Variants in LRBA observed in about 807,000 individuals in gnomAD.
LRBA encodes the protein lipopolysaccharide-responsive and beige-like anchor protein.
Under a neutral mutation model 330.0 loss-of-function variants are expected in LRBA, and 176 were observed. The ratio of observed to expected loss-of-function variants is 0.53; its 90% CI spans 0.47 to 0.60. LRBA has a LOEUF of 0.60. Ranked by LOEUF, LRBA falls within the 20% of genes least tolerant of loss-of-function variation. The probability of loss-of-function intolerance (pLI) is 0.00; values close to 1 mark genes in which losing one functional copy is unlikely to be tolerated. For missense variants in LRBA, 3,259 were observed against 3,444.8 expected (o/e 0.95, Z 1.35); for synonymous variants, 1,230 against 1,193.0 (o/e 1.03, Z -0.64).
In LRBA at chr4:150,798,152, A is replaced by G. The variant is rs1741074095; in HGVS notation, c.5519-10T>C. 7.0e-6 allele frequency: 11 copies of G among 1,570,936 alleles called. No individual in the cohort carries two copies. The highest frequency in any genetic ancestry group is 9.6e-6 in the Non-Finnish European group (11 of 1,141,568). On this transcript the variant is annotated splice_polypyrimidine_tract_variant and intron_variant, in intron 33 of 56. Transcript: ENST00000651943. ...TTCATGCAAACCAGACCTATTTTAA[A>G]GAGAATTTTAAAAAAGAAGTTATAA... is the stretch of plus-strand genomic sequence containing the variant.
chr4:150,972,320 T>C (rs1197776729), intron 2 of LRBA, among the ~76,000 whole-genome samples: 1 of 151,978 alleles, frequency 6.6e-6, no homozygotes, highest in African/African-American at 2.4e-5. Flanking sequence ...AAAATGATTC[T>C]CACAAAACAA....
At chr4:150,597,941 G>A (rs1261590076) in intron 38 of LRBA, among the ~76,000 whole-genome samples, 1 of 152,074 alleles carries the variant, frequency 6.6e-6, no homozygotes, top group African/African-American at 2.4e-5. Context: ...GATGTAACAT[G>A]TGGTGTTATA....
At chr4:150,823,177 G>C (rs543366259) in intron 30 of LRBA, among the ~76,000 whole-genome samples, 1 of 152,110 alleles carries the variant, frequency 6.6e-6, no homozygotes, top group African/African-American at 2.4e-5. Flanking sequence ...CAATGATGTT[G>C]AGCATCTTGT....
In LRBA at chr4:150,548,087, G is replaced by A. The variant is rs182538428; in HGVS notation, c.6330+39961C>T. Among the ~76,000 whole-genome samples, 7 of 152,226 alleles carry A rather than the reference G, an allele frequency of 4.6e-5. No homozygotes were observed. The East Asian group carries it at 7.7e-4, about 17-fold the overall frequency. On this transcript the variant is annotated intron_variant, in intron 40 of 56. Transcript: ENST00000651943. ...TGCTTTAATCAATTAAGTCCTGTAC[G>A]TTATATTTGTGCAGCCTTAAAGCAG...
chr4:150,373,058 A>T (rs1229604098), intron 47 of LRBA, among the ~76,000 whole-genome samples: 1 of 151,606 alleles, frequency 6.6e-6, no homozygotes, highest in African/African-American at 2.4e-5. Flanking sequence ...TTTTGGAAGC[A>T]GATATTCCAC....
chr4:150,838,198 A>G (rs546280113), intron 28 of LRBA, among the ~76,000 whole-genome samples: 1 of 152,214 alleles, frequency 6.6e-6, no homozygotes, highest in African/African-American at 2.4e-5. Context: ...GGGTAACCCG[A>G]TCTTTCTCTC....
intron 44 of LRBA, among the ~76,000 whole-genome samples, chr4:150,467,244 G>C (rs1442576299): frequency 3.9e-5 from 6 of 151,976 alleles, no homozygotes; most frequent in Non-Finnish European, 5.9e-5. Flanking sequence ...AGAATGCTAG[G>C]AATCAACTCA....
At chr4:150,785,775 G>A (rs1738964980) in intron 34 of LRBA, among the ~76,000 whole-genome samples, 1 of 152,042 alleles carries the variant, frequency 6.6e-6, no homozygotes, top group Non-Finnish European at 1.5e-5. Flanking sequence ...TCTCAACTAC[G>A]GTAAAACAGG....
chr4:150,630,213 T>C (rs1466610385), intron 37 of LRBA, among the ~76,000 whole-genome samples: 1 of 152,214 alleles, frequency 6.6e-6, no homozygotes, highest in East Asian at 1.9e-4. Context: ...TCTACTGTTA[T>C]TATAACACCT....
chr4:150,283,395 A>T (rs959663035), intron 54 of LRBA, among the ~76,000 whole-genome samples: 5 of 152,152 alleles, frequency 3.3e-5, no homozygotes, highest in African/African-American at 1.2e-4. Context: ...TCTGTTGAGT[A>T]CCTGCTGCAT....
intron 47 of LRBA, among the ~76,000 whole-genome samples, chr4:150,399,597 TAAAAG>T (rs1328887487): frequency 6.6e-6 from 1 of 152,150 alleles, no homozygotes; most frequent in Non-Finnish European, 1.5e-5. Context: ...TATGTCCACT[TAAAAG>T]AGAACACAGG....
intron 26 of LRBA, among the ~76,000 whole-genome samples, chr4:150,848,491 G>T (rs1235422511): frequency 6.7e-6 from 1 of 150,160 alleles, no homozygotes; most frequent in African/African-American, 2.5e-5. Flanking sequence ...AAGGAGGCGG[G>T]ATCACTTGAG....
At chr4:150,528,080 G>A (rs903994943) in intron 40 of LRBA, among the ~76,000 whole-genome samples, 4 of 152,144 alleles carry the variant, frequency 2.6e-5, no homozygotes, top group African/African-American at 9.7e-5. Context: ...AAATATAGAA[G>A]TAATGGATCA....
At chr4:150,860,153 G>A (rs1751710883) in intron 22 of LRBA, among the ~76,000 whole-genome samples, 2 of 151,990 alleles carry the variant, frequency 1.3e-5, no homozygotes, top group Non-Finnish European at 2.9e-5. Context: ...CTTTGTATAA[G>A]CCTCATGAAA....
chr4:150,351,507 G>C (rs1361169534), intron 47 of LRBA, among the ~76,000 whole-genome samples: 2 of 152,096 alleles, frequency 1.3e-5, no homozygotes, highest in Non-Finnish European at 2.9e-5. Flanking sequence ...GGCTAACACA[G>C]TGAAACCCTG....
At chr4:150,607,152 C>T (rs1471098582) in intron 37 of LRBA, among the ~76,000 whole-genome samples, 1 of 152,112 alleles carries the variant, frequency 6.6e-6, no homozygotes, top group African/African-American at 2.4e-5. Context: ...AGGTTTAGAA[C>T]CAGATTTCAA....
intron 37 of LRBA, among the ~76,000 whole-genome samples, chr4:150,650,573 C>A (rs540187065): frequency 2.6e-5 from 4 of 152,054 alleles, no homozygotes; most frequent in Non-Finnish European, 5.9e-5. Context: ...CTCACAGAGT[C>A]AGCAAAAGGA....
At chr4:150,825,428 G>A (rs1222054907) in intron 30 of LRBA, among the ~76,000 whole-genome samples, 3 of 152,140 alleles carry the variant, frequency 2.0e-5, no homozygotes, top group African/African-American at 7.2e-5. Flanking sequence ...GTGCAATGCT[G>A]CAGTTTTGGC....
chr4:150,933,213 C>T (rs563243396), intron 2 of LRBA, among the ~76,000 whole-genome samples: 2 of 150,980 alleles, frequency 1.3e-5, no homozygotes, highest in South Asian at 4.2e-4. Context: ...CATGGTGAAA[C>T]CCCGTCTCTA....
Sources: allele counts gnomAD v4.1 joint callset (sites outside exome capture counted in the v4.1 genomes callset), GRCh38; gene constraint gnomAD v4.1.1; transcripts MANE v1.5; gene names NCBI Gene and HGNC (gene_info 2026-07-23, HGNC 2026-07-21).